PSMD13: variants seen among roughly 807,000 people sequenced by gnomAD.
PSMD13 encodes 26S proteasome non-ATPase regulatory subunit 13.
A neutral mutation model predicts 57.4 loss-of-function variants in PSMD13; 8 were observed. The ratio of observed to expected loss-of-function variants is 0.14; its 90% CI spans 0.08 to 0.25. The LOEUF (loss-of-function observed/expected upper bound fraction) is 0.25, where lower values mean the gene tolerates loss of function less well. Ranked by LOEUF, PSMD13 falls within the 10% of genes least tolerant of loss-of-function variation. The pLI is 1.00. For synonymous variants in PSMD13, 193 were observed against 168.2 expected (o/e 1.15, Z -1.14); for missense variants, 400 against 461.5 (o/e 0.87, Z 1.22).
At chr11:248,531 TGA>T in intron 7 of PSMD13, 3 of 515,422 alleles carry the variant, frequency 5.8e-6, no homozygotes, top group African/African-American at 1.9e-5. Flanking sequence ...GCTGAAAATA[TGA>T]ATAGATTCAC....
At chr11:248,745 G>T in intron 7 of PSMD13, 31 bp from the exon 8 acceptor site, 1 of 1,602,454 alleles carries the variant, frequency 6.2e-7, no homozygotes, top group Non-Finnish European at 8.6e-7. Flanking sequence ...ATTATGACTG[G>T]ATTGTAAGTG....
rs763217798 is a variant in PSMD13 at position 252,169 on chromosome 11, G to A, written c.1035+233G>A. The A allele has an allele frequency of 3.5e-5, 18 of 518,674 alleles. No individual in the cohort carries two copies. The highest frequency in any genetic ancestry group is 5.2e-5 in the Non-Finnish European group (15 of 289,542). The allele number at this position is 518,674 out of a possible 1,614,324, so 32.1% of individuals were successfully genotyped here. A position where few individuals can be genotyped will look rare whatever the true frequency, so the allele number is the denominator to read the frequency against. ...TGACAATGGCACTGGTTGTGCTGACGGTGCCTTTTAATCTTAAGATAGGAG... is the reference window on the plus strand; with the variant it reads ...TGACAATGGCACTGGTTGTGCTGACAGTGCCTTTTAATCTTAAGATAGGAG... On this transcript the variant is annotated intron_variant, in intron 12 of 12. Transcript: ENST00000532097. This position sits in a 1 kb window ranked among gnomAD's most constrained non-coding sequence, Gnocchi z 4.1.
At chr11:244,273 T>C in intron 4 of PSMD13, 57 bp downstream of exon 4, 1 of 1,593,162 alleles carries the variant, frequency 6.3e-7, no homozygotes, top group South Asian at 1.2e-5. Flanking sequence ...AAAATTGAAA[T>C]ATAAGTTAAC....
At chr11:243,225 A>T in intron 2 of PSMD13, 1 of 562,194 alleles carries the variant, frequency 1.8e-6, no homozygotes, top group South Asian at 1.6e-5. Context: ...TTACTGACTT[A>T]ACGTGGTGGG....
intron 9 of PSMD13, 159 bp from the exon 10 acceptor site, chr11:250,644 G>A: frequency 1.6e-6 from 1 of 610,468 alleles, no homozygotes; most frequent in South Asian, 1.8e-5. Flanking sequence ...CAGATCACTT[G>A]TTGTTAATGA....
chr11:239,489 G>A (rs1489114752), intron 2 of PSMD13, among the ~76,000 whole-genome samples: 1 of 152,084 alleles, frequency 6.6e-6, no homozygotes, highest in Non-Finnish European at 1.5e-5. Flanking sequence ...TAAGGTATGA[G>A]GAAGATTACT....
At chr11:238,880 T>G (rs952937301) in intron 1 of PSMD13, 118 bp from the exon 2 acceptor site, 19 of 985,156 alleles carry the variant, frequency 1.9e-5, no homozygotes, top group Non-Finnish European at 3.1e-5. Flanking sequence ...TTTTGGAGTT[T>G]TGGAGTTTTG....
intron 1 of PSMD13, 83 bp downstream of exon 1, chr11:237,227 T>C (rs1859292273): frequency 7.4e-7 from 1 of 1,347,606 alleles, no homozygotes; most frequent in Admixed American, 2.3e-5. Flanking sequence ...GGACCCTTGA[T>C]GGGCTGAGGG....
intron 9 of PSMD13, among the ~76,000 whole-genome samples, chr11:249,456 T>C (rs1338095558): frequency 1.3e-5 from 2 of 151,334 alleles, no homozygotes; most frequent in African/African-American, 4.9e-5. Flanking sequence ...AAGAGGGATG[T>C]GTGAGGCTAA....
chr11:252,638 C>A lies in PSMD13; in HGVS notation c.*38C>A, dbSNP rs745924115. 1 of 1,590,218 alleles carries A rather than the reference C, an allele frequency of 6.3e-7. No individual in the cohort carries two copies. The highest frequency in any genetic ancestry group is 1.7e-5 in the Admixed American group (1 of 59,752). ...CCCCGTCGTGTCTCCTTTGACTCAC[C>A]TGAGAGAGGCGTTTGCAGCCAATGA... On this transcript the variant is annotated 3_prime_UTR_variant, in exon 13 of 13. Coordinates refer to ENST00000532097, the MANE Select transcript of PSMD13 (RefSeq NM_002817.4). The surrounding 1 kb of genome is among the most constrained non-coding windows in gnomAD (Gnocchi z 4.1).
At chr11:242,770 C>T (rs553282237) in intron 2 of PSMD13, among the ~76,000 whole-genome samples, 115 of 152,170 alleles carry the variant, frequency 7.6e-4, no homozygotes, top group African/African-American at 2.6e-3. Context: ...CATACTTGAT[C>T]CTGATACTAC....
chr11:251,153 G>C lies in PSMD13; in HGVS notation c.837+288G>C. The C allele has an allele frequency of 2.1e-6, 1 of 477,058 alleles. No individual in the cohort carries two copies. The highest frequency in any genetic ancestry group is 3.5e-5 in the Admixed American group (1 of 28,910). The allele number at this position is 477,058 out of a possible 1,614,324, so 29.6% of individuals were successfully genotyped here. On this transcript the variant is annotated intron_variant, in intron 10 of 12. Coordinates refer to ENST00000532097, the MANE Select transcript of PSMD13 (RefSeq NM_002817.4). The surrounding 1 kb of genome is among the most constrained non-coding windows in gnomAD (Gnocchi z 4.6). ...TAGCTGCCCCTCTCCCCGTGATGCA[G>C]TTGTTGCCTCATTGCATGTCGCTTC...
At chr11:243,441 A>G (rs1226185277) in intron 2 of PSMD13, 5 of 295,806 alleles carry the variant, frequency 1.7e-5, no homozygotes, top group African/African-American at 4.4e-5. Context: ...TCCTTCCACA[A>G]TGGTCTTATT....
chr11:250,742 A>G, intron 9 of PSMD13, 61 bp from the exon 10 acceptor site: 1 of 1,492,878 alleles, frequency 6.7e-7, no homozygotes, highest in Non-Finnish European at 9.3e-7. Context: ...CCAGATCCCC[A>G]GTTAAGTAAC....
At chr11:237,191 C>T (rs1859285345) in intron 1 of PSMD13, 47 bp downstream of exon 1, 3 of 1,557,712 alleles carry the variant, frequency 1.9e-6, no homozygotes, top group Non-Finnish European at 2.6e-6. Context: ...TAGAGGGAGA[C>T]GGAGGGGGCA....
intron 4 of PSMD13, 40 bp from the exon 5 acceptor site, chr11:244,386 A>T (rs781648030): frequency 2.5e-6 from 4 of 1,598,092 alleles, no homozygotes; most frequent in Non-Finnish European, 3.4e-6. Flanking sequence ...AGCAGAAACC[A>T]GTCTGTTGAT....
chr11:252,923 C>A lies in PSMD13; in HGVS notation c.*323C>A, dbSNP rs186582362. ...GGATCTCCATCCCCATCCACCTGTACGGACATCTTTTCCGTTGCGGTTTGA... is the reference window on the plus strand; with the variant it reads ...GGATCTCCATCCCCATCCACCTGTAAGGACATCTTTTCCGTTGCGGTTTGA... On this transcript the variant is annotated 3_prime_UTR_variant, in exon 13 of 13. Coordinates refer to ENST00000532097, the MANE Select transcript of PSMD13 (RefSeq NM_002817.4). The surrounding 1 kb of genome is among the most constrained non-coding windows in gnomAD (Gnocchi z 4.1). 722 of 250,336 alleles carry A rather than the reference C, an allele frequency of 2.9e-3. 2 individuals carry two copies. The highest frequency in any genetic ancestry group is 4.2e-3 in the Non-Finnish European group (537 of 126,368). 15.5% of individuals were successfully genotyped at this position (250,336 alleles called of 1,614,324 possible).
rs947657304 is a variant in PSMD13, at chr11:252,243, T to G, written c.1036-262T>G. The G allele has an allele frequency of 1.9e-6, 1 of 520,322 alleles. No homozygotes were observed. The highest frequency in any genetic ancestry group is 2.4e-5 in the South Asian group (1 of 42,206). 32.2% of individuals were successfully genotyped at this position (520,322 alleles called of 1,614,324 possible). A position where few individuals can be genotyped will look rare whatever the true frequency, so the allele number is the denominator to read the frequency against. ...TCTGTGATTTGAGCTCACGTCGCTC[T>G]TACATTTGCTGGAAATGCGATCCTG... On this transcript the variant is annotated intron_variant, in intron 12 of 12. Coordinates refer to ENST00000532097, the MANE Select transcript of PSMD13 (RefSeq NM_002817.4). This position sits in a 1 kb window ranked among gnomAD's most constrained non-coding sequence, Gnocchi z 4.1.
intron 1 of PSMD13, 114 bp from the exon 2 acceptor site, chr11:238,884 A>G: frequency 9.9e-7 from 1 of 1,005,624 alleles, no homozygotes; most frequent in Non-Finnish European, 1.6e-6. Flanking sequence ...GGAGTTTTGG[A>G]GTTTTGGATT....
Sources: allele counts gnomAD v4.1 joint callset (sites outside exome capture counted in the v4.1 genomes callset), GRCh38; gene constraint gnomAD v4.1.1; non-coding constraint Gnocchi (gnomAD v3.1); transcripts MANE v1.5; gene names NCBI Gene and HGNC (gene_info 2026-07-23, HGNC 2026-07-21).